The following ZSCAN30 variants were observed in gnomAD, a reference collection of about 807,000 sequenced individuals.
ZSCAN30 encodes the protein zinc finger and SCAN domain containing 30, also known as zinc finger and SCAN domain-containing protein 30.
A neutral mutation model predicts 44.3 loss-of-function variants in ZSCAN30; 37 were observed. That is an observed-to-expected ratio of 0.84 (90% CI 0.64 to 1.10). ZSCAN30 has a LOEUF of 1.10. Among genes scored for constraint, ZSCAN30 ranks in the 50% least tolerant of loss-of-function variants. ZSCAN30 has a pLI of 0.00. For missense variants in ZSCAN30, 549 were observed against 582.6 expected, an observed-to-expected ratio of 0.94 and a Z score of 0.59; for synonymous variants, 181 against 204.6, an observed-to-expected ratio of 0.88 and a Z score of 0.98.
intron 1 of ZSCAN30, among the ~76,000 whole-genome samples, chr18:35,273,969 T>C (rs28641659): frequency 0.024 from 3,699 of 152,302 alleles, 137 homozygotes; most frequent in African/African-American, 0.084. Context: ...TGGTTATCTT[T>C]TATCAGGAAT....
intron 1 of ZSCAN30, among the ~76,000 whole-genome samples, chr18:35,270,894 G>C (rs563233471): frequency 6.6e-6 from 1 of 152,168 alleles, no homozygotes; most frequent in African/African-American, 2.4e-5. Flanking sequence ...TGATGGGTTC[G>C]TGGTCTTGCT....
chr18:35,271,854 T>C (rs1391249528), intron 1 of ZSCAN30, among the ~76,000 whole-genome samples: 2 of 152,310 alleles, frequency 1.3e-5, no homozygotes, highest in East Asian at 3.9e-4. Flanking sequence ...GGCAGTTCTG[T>C]GGGACCCCGC....
intron 1 of ZSCAN30, among the ~76,000 whole-genome samples, chr18:35,274,705 C>A (rs533482277): frequency 6.6e-6 from 1 of 152,188 alleles, no homozygotes; most frequent in Non-Finnish European, 1.5e-5. Flanking sequence ...GTTCACCTCA[C>A]TGGACTTAGA....
chr18:35,266,517 G>A (rs1477968445), intron 1 of ZSCAN30, among the ~76,000 whole-genome samples: 1 of 152,072 alleles, frequency 6.6e-6, no homozygotes, highest in Non-Finnish European at 1.5e-5. Flanking sequence ...GAGGATGATG[G>A]TGCTATTTGC....
At chr18:35,263,692 A>G (rs1232827130) in intron 2 of ZSCAN30, 35 bp from the exon 3 acceptor site, 1 of 1,610,154 alleles carries the variant, frequency 6.2e-7, no homozygotes, top group African/African-American at 1.3e-5. Context: ...TATCATTCTG[A>G]GGATACACAA....
chr18:35,255,549 G>A lies in ZSCAN30; in HGVS notation c.554-1168C>T, dbSNP rs183796123. 6.8e-3 allele frequency among the ~76,000 whole-genome samples: 1,033 copies of A among 152,170 alleles called. 10 individuals carry two copies. Among genetic ancestry groups the A allele is most frequent in the Non-Finnish European group, 0.01 (708 of 68,014 alleles). ...ATGCTATCTGCCTTCCATATTGGAA[G>A]GATGCAGGGCTGTAGTTGCACTGAA... On this transcript the variant is annotated intron_variant, in intron 3 of 3. Transcript: ENST00000333206.
intron 3 of ZSCAN30, 23 bp from the exon 4 acceptor site, chr18:35,254,404 TA>T (rs1356793777): frequency 8.7e-6 from 14 of 1,613,744 alleles, no homozygotes; most frequent in Middle Eastern, 3.3e-4. Flanking sequence ...ATAGAAAGTG[TA>T]AGTATCATTT....
Position 35,264,445 on chromosome 18 carries a change from C to T in ZSCAN30, c.-93G>A. 14 of 1,272,100 alleles carry T rather than the reference C, an allele frequency of 1.1e-5. No homozygotes were observed. The highest frequency in any genetic ancestry group is 5.8e-5 in the South Asian group (4 of 68,638). 78.8% of individuals were successfully genotyped at this position (1,272,100 alleles called of 1,614,324 possible). A position where few individuals can be genotyped will look rare whatever the true frequency, so the allele number is the denominator to read the frequency against. On this transcript the variant is annotated 5_prime_UTR_variant, in exon 2 of 4. The change creates a premature stop within an existing upstream ORF in the 5' untranslated region. Coordinates refer to ENST00000333206, the MANE Select transcript of ZSCAN30 (RefSeq NM_001112734.4). ...GAGATTCCTTCTGAATTCCAACTCC[C>T]CAGGACGCTCCTGAGGGTGGACAAT...
At chr18:35,271,375 C>G (rs1346533254) in intron 1 of ZSCAN30, among the ~76,000 whole-genome samples, 1 of 124,638 alleles carries the variant, frequency 8.0e-6, no homozygotes, top group African/African-American at 3.1e-5. Context: ...AATCCTCTAG[C>G]TAGACTTAAA....
intron 3 of ZSCAN30, 115 bp downstream of exon 3, chr18:35,263,398 C>G (rs763059763): frequency 7.7e-6 from 10 of 1,299,862 alleles, no homozygotes; most frequent in African/African-American, 2.9e-5. Flanking sequence ...GGCAAAGAAG[C>G]CTTTCCACAA....
Position 35,253,490 on chromosome 18 carries a change from G to C in ZSCAN30, c.1445C>G (p.Ser482Ter). The change falls in exon 4 of 4, where the codon TCA (serine) becomes TGA (stop). Residue 482 changes from serine (S) to a stop codon, truncating the protein, a stop_gained. Coordinates refer to ENST00000333206, the MANE Select transcript of ZSCAN30 (RefSeq NM_001112734.4). LOFTEE classifies it high-confidence loss of function. ...SECRKTFRHR[S>*]GLMQHQRTHT... Reference sequence around the variant, plus strand: ...TGTTCTCTGATGCTGCATAAGGCCTGACCTATGCCTAAATGTTTTTCTACA... The same window carrying C: ...TGTTCTCTGATGCTGCATAAGGCCTCACCTATGCCTAAATGTTTTTCTACA... 2.5e-6 allele frequency: 4 copies of C among 1,606,052 alleles called. No individual in the cohort carries two copies. The highest frequency in any genetic ancestry group is 3.4e-6 in the Non-Finnish European group (4 of 1,175,098).
In ZSCAN30 at chr18:35,254,185, A is replaced by C. The variant is rs2043705091; in HGVS notation, c.750T>G (p.Leu250=). 6.2e-7 allele frequency: 1 copy of C among 1,614,040 alleles called. No individual in the cohort carries two copies. Among genetic ancestry groups the C allele is most frequent in the Non-Finnish European group, 8.5e-7 (1 of 1,180,012 alleles). Residue 250 remains leucine (L), a synonymous_variant, in exon 4 of 4, where the codon CTT becomes CTG. Transcript: ENST00000333206. The part of the protein sequence containing the change: ...GNAAGNKISQ[L]PSQDRHFSLA... ...GACTGAAATGTCTGTCCTGGGAAGG[A>C]AGCTGACTGATTTTGTTCCCTGCAG...
chr18:35,287,574 CAAAAA>C (rs59300208), intron 1 of ZSCAN30, among the ~76,000 whole-genome samples: 25 of 94,704 alleles, frequency 2.6e-4, no homozygotes, highest in South Asian at 7.2e-4. Flanking sequence ...ATCCACATAC[CAAAAA>C]AAAAAAAAAA....
At chr18:35,278,308 C>T (rs1216333708) in intron 1 of ZSCAN30, among the ~76,000 whole-genome samples, 1 of 152,170 alleles carries the variant, frequency 6.6e-6, no homozygotes, top group East Asian at 1.9e-4. Flanking sequence ...GTAGTGTCCC[C>T]ACCCTCTGGG....
At chr18:35,276,557 C>T (rs556982985) in intron 1 of ZSCAN30, among the ~76,000 whole-genome samples, 3 of 152,272 alleles carry the variant, frequency 2.0e-5, no homozygotes, top group South Asian at 4.1e-4. Flanking sequence ...ACGTAAAGCT[C>T]GGGCTGTGGG....
intron 1 of ZSCAN30, among the ~76,000 whole-genome samples, chr18:35,276,354 A>G (rs1365456832): frequency 1.3e-5 from 2 of 149,174 alleles, no homozygotes; most frequent in African/African-American, 5.0e-5. Context: ...CACATTTTCT[A>G]TTTCTTCTTT....
chr18:35,289,072 T>A (rs2044605358), intron 1 of ZSCAN30, among the ~76,000 whole-genome samples: 1 of 151,972 alleles, frequency 6.6e-6, no homozygotes, highest in Admixed American at 6.6e-5. Context: ...GGTTCATGGG[T>A]TCACGCGATT....
chr18:35,254,767 A>G, intron 3 of ZSCAN30: 1 of 308,306 alleles, frequency 3.2e-6, no homozygotes. Context: ...CAGGATAAAG[A>G]AAGATATCTA....
At chr18:35,270,092 CATTT>C (rs1223501602) in intron 1 of ZSCAN30, 24 of 152,246 alleles carry the variant, frequency 1.6e-4, no homozygotes, top group Admixed American at 6.5e-4. Context: ...ACTTCTCTAT[CATTT>C]ATTTATTTTC....
Sources: allele counts gnomAD v4.1 joint callset (sites outside exome capture counted in the v4.1 genomes callset), GRCh38; gene constraint gnomAD v4.1.1; transcripts MANE v1.5; gene names NCBI Gene and HGNC (gene_info 2026-07-23, HGNC 2026-07-21).